The following CCL3L3 variants were observed in gnomAD, a reference collection of about 807,000 sequenced individuals.
CCL3L3 encodes the protein C-C motif chemokine ligand 3 like 3.
In CCL3L3, 6 loss-of-function variants were observed where a neutral mutation model predicts 9.0. The observed-to-expected ratio is 0.67, with a 90% CI of 0.37 to 1.32. The LOEUF (loss-of-function observed/expected upper bound fraction) is 1.32, where lower values mean the gene tolerates loss of function less well. Ranked by LOEUF, CCL3L3 falls within the 40% of genes most tolerant of loss-of-function variation. The pLI is 0.02. For missense variants in CCL3L3, 93 were observed against 117.0 expected (o/e 0.79, Z 0.95); for synonymous variants, 38 against 45.7 (o/e 0.83, Z 0.68).
At chr17:36,196,085 C>T (rs1374881163) in intron 1 of CCL3L3, 173 bp from the exon 2 acceptor site, 2 of 769,414 alleles carry the variant, frequency 2.6e-6, no homozygotes, top group Admixed American at 2.2e-5. Flanking sequence ...TCCTCTTTCC[C>T]CTTGACTCTT....
Position 36,195,546 on chromosome 17 carries a change from A to T in CCL3L3, c.192-170T>A, listed in dbSNP as rs1350381192. The T allele has an allele frequency of 8.3e-5, 92 of 1,107,358 alleles. 8 individuals are homozygous for T. The highest frequency in any genetic ancestry group is 1.1e-4 in the Non-Finnish European group (83 of 722,926). 68.6% of individuals were successfully genotyped at this position (1,107,358 alleles called of 1,614,324 possible). ...AGAGCTTCTCTCAGTGACTCCAGGC[A>T]AGGGGGCCCTCAGAGTGTCCTGCTG... On this transcript the variant is annotated intron_variant, in intron 2 of 2. Coordinates refer to ENST00000619989, the MANE Select transcript of CCL3L3 (RefSeq NM_001001437.4).
rs1385203916 is a variant in CCL3L3 at position 36,195,981 on chromosome 17, T to C, written c.77-69A>G. ...AAAAGGCCAGGCAGCTTCTGATCCCTGAGTGGTTGAGGAGGGCAGGCTTGC... is the reference window on the plus strand; with the variant it reads ...AAAAGGCCAGGCAGCTTCTGATCCCCGAGTGGTTGAGGAGGGCAGGCTTGC... On this transcript the variant is annotated intron_variant, in intron 1 of 2. Coordinates refer to ENST00000619989, the MANE Select transcript of CCL3L3 (RefSeq NM_001001437.4). 3.2e-4 allele frequency: 429 copies of C among 1,340,770 alleles called. 24 individuals carry two copies. Among genetic ancestry groups the C allele is most frequent in the Non-Finnish European group, 3.9e-4 (387 of 1,002,170 alleles). 83.1% of individuals were successfully genotyped at this position (1,340,770 alleles called of 1,614,324 possible).
rs1288346402 is a variant in CCL3L3 at position 36,195,511 on chromosome 17, C to G, written c.192-135G>C. 3.2e-6 allele frequency: 4 copies of G among 1,268,812 alleles called. No individual in the cohort carries two copies. In the African/African-American group the frequency reaches 5.4e-5, roughly 17 times the overall value. The allele number at this position is 1,268,812 out of a possible 1,614,324, so 78.6% of individuals were successfully genotyped here. A position where few individuals can be genotyped will look rare whatever the true frequency, so the allele number is the denominator to read the frequency against. Reference sequence around the variant, plus strand: ...CCTCTCTCAGGGGCCCCCTGCCTATCTCCGTCTAGAGAGCTTCTCTCAGTG... The same window carrying G: ...CCTCTCTCAGGGGCCCCCTGCCTATGTCCGTCTAGAGAGCTTCTCTCAGTG... On this transcript the variant is annotated intron_variant, in intron 2 of 2. Coordinates refer to ENST00000619989, the MANE Select transcript of CCL3L3 (RefSeq NM_001001437.4).
At chr17:36,195,667 G>T in intron 2 of CCL3L3, 131 bp downstream of exon 2, 1 of 1,284,914 alleles carries the variant, frequency 7.8e-7, no homozygotes, top group Non-Finnish European at 1.1e-6. Flanking sequence ...TCACACCTCA[G>T]TGCCCTGCGT....
chr17:36,195,042 A>G lies in CCL3L3; in HGVS notation c.*244T>C. 6.3e-6 allele frequency: 3 copies of G among 477,414 alleles called. No individual in the cohort carries two copies. Among genetic ancestry groups the G allele is most frequent in the Non-Finnish European group, 1.2e-5 (3 of 260,650 alleles). 29.6% of individuals were successfully genotyped at this position (477,414 alleles called of 1,614,324 possible). A position where few individuals can be genotyped will look rare whatever the true frequency, so the allele number is the denominator to read the frequency against. On this transcript the variant is annotated 3_prime_UTR_variant, in exon 3 of 3. Transcript: ENST00000619989. ...CACTGTGAGGGAAGGTGGAGGGGAC[A>G]GGGGGAACTCTCAGAGCAAACAATC...
In CCL3L3 at chr17:36,194,913, A is replaced by C; in HGVS notation, c.*373T>G. On this transcript the variant is annotated 3_prime_UTR_variant, in exon 3 of 3. Transcript: ENST00000619989. ...TCTTTATTATTTCCCCAGGCCGATC[A>C]CAGCCCTGAACAAAAGCATCTGATA... 1 of 251,534 alleles carries C rather than the reference A, an allele frequency of 4.0e-6. No homozygotes were observed. Among genetic ancestry groups the C allele is most frequent in the Non-Finnish European group, 8.4e-6 (1 of 118,590 alleles). 15.6% of individuals were successfully genotyped at this position (251,534 alleles called of 1,614,324 possible).
rs1299233645 is a variant in CCL3L3, at chr17:36,196,513, G to C, written c.76+85C>G. ...TTAAGAACTTCCTTCTTTTCTCTTC[G>C]GGGCTCTCAGGCCACAAAAAAAGAC... On this transcript the variant is annotated intron_variant, in intron 1 of 2. Coordinates refer to ENST00000619989, the MANE Select transcript of CCL3L3 (RefSeq NM_001001437.4). 9.0e-6 allele frequency: 13 copies of C among 1,446,556 alleles called. 1 individual carries two copies. The highest frequency in any genetic ancestry group is 1.3e-5 in the African/African-American group (1 of 74,412). 89.6% of individuals were successfully genotyped at this position (1,446,556 alleles called of 1,614,324 possible).
At chr17:36,196,322 C>T (rs1319304430) in intron 1 of CCL3L3, 3 of 669,942 alleles carry the variant, frequency 4.5e-6, no homozygotes, top group African/African-American at 3.4e-5. Context: ...GATTCTGCCT[C>T]TTGCAAACTG....
At chr17:36,196,111 G>A in intron 1 of CCL3L3, 199 bp from the exon 2 acceptor site, 1 of 674,696 alleles carries the variant, frequency 1.5e-6, no homozygotes, top group East Asian at 2.6e-5. Flanking sequence ...TGGGTTCTCT[G>A]TTTCTCTATG....
In CCL3L3 at chr17:36,196,758, T is replaced by A. The variant is rs2068625334; in HGVS notation, c.-85A>T. Reference sequence around the variant, plus strand: ...CTACTCTTTGCTGCCTGCGTCCTTCTGATGTCTGAAGCCATCTCTCCTCTT... The same window carrying A: ...CTACTCTTTGCTGCCTGCGTCCTTCAGATGTCTGAAGCCATCTCTCCTCTT... On this transcript the variant is annotated 5_prime_UTR_variant, in exon 1 of 3. Transcript: ENST00000619989. The A allele has an allele frequency of 1.4e-6, 2 of 1,448,394 alleles. No individual in the cohort carries two copies. The highest frequency in any genetic ancestry group is 1.3e-5 in the African/African-American group (1 of 74,320). 89.7% of individuals were successfully genotyped at this position (1,448,394 alleles called of 1,614,324 possible).
chr17:36,195,866 T>C lies in CCL3L3; in HGVS notation c.123A>G (p.Arg41=), dbSNP rs1366169001. ...PTACCFSYTS[R]QIPQNFIADY... ...CAGCTATGAAATTCTGTGGAATCTG[T>C]CGGGAGGTGTAGCTGAAGCAGCAGG... The change falls in exon 2 of 3, where the codon CGA becomes CGG. Residue 41 remains arginine, a synonymous_variant. Transcript: ENST00000619989. 0.21 allele frequency: 315,909 copies of C among 1,519,318 alleles called. 16,376 individuals are homozygous for C. The highest frequency in any genetic ancestry group is 0.49 in the East Asian group (21,389 of 43,706). 94.1% of individuals were successfully genotyped at this position (1,519,318 alleles called of 1,614,324 possible). A position where few individuals can be genotyped will look rare whatever the true frequency, so the allele number is the denominator to read the frequency against.
rs1439976219 is a variant in CCL3L3 at position 36,195,510 on chromosome 17, T to C, written c.192-134A>G. On this transcript the variant is annotated intron_variant, in intron 2 of 2. Transcript: ENST00000619989. ...TCCTCTCTCAGGGGCCCCCTGCCTA[T>C]CTCCGTCTAGAGAGCTTCTCTCAGT... The C allele has an allele frequency of 1.1e-5, 14 of 1,273,626 alleles. 2 individuals are homozygous for C. Among genetic ancestry groups the C allele is most frequent in the Non-Finnish European group, 1.6e-5 (14 of 871,372 alleles). The allele number at this position is 1,273,626 out of a possible 1,614,324, so 78.9% of individuals were successfully genotyped here.
chr17:36,196,015 A>G (rs2068617446), intron 1 of CCL3L3, 103 bp from the exon 2 acceptor site: 4 of 1,193,138 alleles, frequency 3.4e-6, no homozygotes, highest in Non-Finnish European at 4.7e-6. Flanking sequence ...GCTCAGACCA[A>G]GTGACTGCAA....
Position 36,195,335 on chromosome 17 carries a change from C to A in CCL3L3, c.233G>T (p.Ser78Ile), listed in dbSNP as rs2068608975. 3 of 1,582,618 alleles carry A rather than the reference C, an allele frequency of 1.9e-6. No homozygotes were observed. The highest frequency in any genetic ancestry group is 1.7e-6 in the Non-Finnish European group (2 of 1,157,728). Residue 78 changes from serine (S) to isoleucine (I), a missense_variant, in exon 3 of 3, where the codon AGT becomes ATT. By Grantham distance (142) the Ser-to-Ile change is moderately radical. Transcript: ENST00000619989. ...GACGTATTTCTGGACCCACTCCTCACTGGGGTCAGCACAGACCTGCCGGCC... is the reference window on the plus strand; with the variant it reads ...GACGTATTTCTGGACCCACTCCTCAATGGGGTCAGCACAGACCTGCCGGCC... Reference protein sequence around the residue: ...KRGRQVCADPSEEWVQKYVSD... With the variant: ...KRGRQVCADPIEEWVQKYVSD...
chr17:36,196,595 C>T lies in CCL3L3; in HGVS notation c.76+3G>A, dbSNP rs2068623707. 1 of 1,581,174 alleles carries T rather than the reference C, an allele frequency of 6.3e-7. No homozygotes were observed. Among genetic ancestry groups the T allele is most frequent in the East Asian group, 2.2e-5 (1 of 44,608 alleles). On this transcript the variant is annotated splice_donor_region_variant and intron_variant, in intron 1 of 2. Coordinates refer to ENST00000619989, the MANE Select transcript of CCL3L3 (RefSeq NM_001001437.4). ...GATACCCACAACAACAACATGGACT[C>T]ACGTGGTGCAGAGAGGACCTGGTTG...
In CCL3L3 at chr17:36,196,656, A is replaced by G; in HGVS notation, c.18T>C (p.Ala6=). The G allele has an allele frequency of 1.3e-6, 2 of 1,581,052 alleles. 1 individual carries two copies. Among genetic ancestry groups the G allele is most frequent in the Non-Finnish European group, 1.7e-6 (2 of 1,156,414 alleles). The change falls in exon 1 of 3, where the codon GCT becomes GCC. Residue 6 remains alanine, a synonymous_variant. Coordinates refer to ENST00000619989, the MANE Select transcript of CCL3L3 (RefSeq NM_001001437.4). MQVST[A]ALAVLLCTMA... ...TGGTGCAGAGGAGGACGGCAAGGGC[A>G]GCAGTGGAGACCTGCATGATTGGGA...
chr17:36,196,334 T>A lies in CCL3L3; in HGVS notation c.76+264A>T, dbSNP rs568415368. 387 of 677,648 alleles carry A rather than the reference T, an allele frequency of 5.7e-4. 40 individuals are homozygous for A. Among genetic ancestry groups the A allele is most frequent in the South Asian group, 5.7e-3 (373 of 65,412 alleles). 42.0% of individuals were successfully genotyped at this position (677,648 alleles called of 1,614,324 possible). On this transcript the variant is annotated intron_variant, in intron 1 of 2. Coordinates refer to ENST00000619989, the MANE Select transcript of CCL3L3 (RefSeq NM_001001437.4). ...CTGGATTCTGCCTCTTGCAAACTGA[T>A]TCGTTTTGAACCCTGTTTTTCTATC...
Position 36,195,114 on chromosome 17 carries a change from A to G in CCL3L3, c.*172T>C, listed in dbSNP as rs1225879996. On this transcript the variant is annotated 3_prime_UTR_variant, in exon 3 of 3. Transcript: ENST00000619989. ...AAATAAATTATAAAAACTAAATAGT[A>G]TAAATAAATTAAAATTTAAGTTAAG... 1.9e-5 allele frequency: 14 copies of G among 737,946 alleles called. 2 individuals are homozygous for G. The highest frequency in any genetic ancestry group is 2.6e-5 in the East Asian group (1 of 37,924). 45.7% of individuals were successfully genotyped at this position (737,946 alleles called of 1,614,324 possible). A position where few individuals can be genotyped will look rare whatever the true frequency, so the allele number is the denominator to read the frequency against.
At position 36,196,590 on chromosome 17, in the gene CCL3L3, G is replaced by A. The variant is rs1324747495; in HGVS notation, c.76+8C>T. On this transcript the variant is annotated splice_region_variant and intron_variant, in intron 1 of 2. Transcript: ENST00000619989. Reference sequence around the variant, plus strand: ...GTGGTGATACCCACAACAACAACATGGACTCACGTGGTGCAGAGAGGACCT... The same window carrying A: ...GTGGTGATACCCACAACAACAACATAGACTCACGTGGTGCAGAGAGGACCT... 1.9e-6 allele frequency: 3 copies of A among 1,580,916 alleles called. 1 individual carries two copies. Among genetic ancestry groups the A allele is most frequent in the Non-Finnish European group, 8.6e-7 (1 of 1,156,216 alleles).
Sources: gnomAD v4.1 joint callset for allele counts on GRCh38, gnomAD v4.1.1 for gene constraint, MANE v1.5 for transcripts, NCBI Gene and HGNC (gene_info 2026-07-23, HGNC 2026-07-21) for gene names.